MDGA2: variants seen among roughly 807,000 people sequenced by gnomAD.
MDGA2 encodes MAM domain-containing glycosylphosphatidylinositol anchor protein 2.
In MDGA2, 40 loss-of-function variants were observed where a neutral mutation model predicts 117.8. That is an observed-to-expected ratio of 0.34 (90% CI 0.26 to 0.44). The LOEUF (loss-of-function observed/expected upper bound fraction) is 0.44. Ranked by LOEUF, MDGA2 falls within the 20% of genes least tolerant of loss-of-function variation. The pLI is 1.00. For synonymous variants in MDGA2, 452 were observed against 439.0 expected, an observed-to-expected ratio of 1.03 and a Z score of -0.37; for missense variants, 1,123 against 1,250.6, an observed-to-expected ratio of 0.90 and a Z score of 1.54.
chr14:47,525,794 T>C (rs1261188782), intron 1 of MDGA2, among the ~76,000 whole-genome samples: 4 of 152,112 alleles, frequency 2.6e-5, no homozygotes, highest in Admixed American at 2.0e-4. Flanking sequence ...ATGTGTTTTT[T>C]TTCCATTATA....
intron 1 of MDGA2, among the ~76,000 whole-genome samples, chr14:47,601,761 A>C (rs1344137307): frequency 6.6e-6 from 1 of 152,162 alleles, no homozygotes; most frequent in Non-Finnish European, 1.5e-5. Flanking sequence ...TGTTTTAGCT[A>C]CATCAGTGAA....
intron 2 of MDGA2, among the ~76,000 whole-genome samples, chr14:47,258,695 T>C (rs1887700550): frequency 1.3e-5 from 2 of 150,058 alleles, no homozygotes; most frequent in African/African-American, 4.9e-5. Flanking sequence ...GAAAAGTATT[T>C]ATTGGAAATG....
chr14:47,256,828 AGAAG>A (rs901952926), intron 2 of MDGA2, among the ~76,000 whole-genome samples: 4 of 151,808 alleles, frequency 2.6e-5, no homozygotes, highest in Non-Finnish European at 5.9e-5. Context: ...AAGAAAGGAA[AGAAG>A]GAAGGAAGGA....
rs190405003 is a variant in MDGA2 at position 47,668,717 on chromosome 14, T to C, written c.280+5800A>G. Among the ~76,000 whole-genome samples, 46 of 152,360 alleles carry C rather than the reference T, an allele frequency of 3.0e-4. No individual in the cohort carries two copies. The East Asian group carries it at 6.9e-3, about 23-fold the overall frequency. On this transcript the variant is annotated intron_variant, in intron 1 of 16. Coordinates refer to ENST00000399232, the MANE Select transcript of MDGA2 (RefSeq NM_001113498.3). Reference sequence around the variant, plus strand: ...CTAAAAATGTTCACTCTTTTCATACTTTAAATATATGCAATATACTTTGCA... The same window carrying C: ...CTAAAAATGTTCACTCTTTTCATACCTTAAATATATGCAATATACTTTGCA...
intron 1 of MDGA2, among the ~76,000 whole-genome samples, chr14:47,561,681 G>C (rs941053326): frequency 1.3e-5 from 2 of 152,124 alleles, no homozygotes; most frequent in South Asian, 2.1e-4. Context: ...AACAGGAATA[G>C]TTTGACTTCC....
At chr14:46,899,285 G>A (rs1221070825) in intron 10 of MDGA2, among the ~76,000 whole-genome samples, 1 of 151,976 alleles carries the variant, frequency 6.6e-6, no homozygotes, top group Non-Finnish European at 1.5e-5. Flanking sequence ...ATGATTACAT[G>A]TGAAGGAGTC....
chr14:47,614,245 A>C (rs572480191), intron 1 of MDGA2, among the ~76,000 whole-genome samples: 1 of 151,252 alleles, frequency 6.6e-6, no homozygotes, highest in South Asian at 2.1e-4. Context: ...ACCTGCCATC[A>C]TGTTGCGCTA....
At chr14:46,916,310 G>C (rs1055014011) in intron 10 of MDGA2, among the ~76,000 whole-genome samples, 6 of 152,014 alleles carry the variant, frequency 3.9e-5, no homozygotes, top group African/African-American at 1.4e-4. Context: ...CATGAGAAAC[G>C]TACAGAGACC....
rs547489782 is a variant in MDGA2 at position 47,105,387 on chromosome 14, C to T, written c.926-8264G>A. Among the ~76,000 whole-genome samples the T allele has an allele frequency of 6.6e-4, 100 of 151,962 alleles. 2 individuals carry two copies. The highest frequency in any genetic ancestry group is 2.3e-3 in the African/African-American group (94 of 41,470). On this transcript the variant is annotated intron_variant, in intron 5 of 16. Transcript: ENST00000399232. Reference sequence around the variant, plus strand: ...GGGCAAGAACCCCCCACCCCTTCTCCGTGTCTCTACTCTTTTCTCTGGGCT... The same window carrying T: ...GGGCAAGAACCCCCCACCCCTTCTCTGTGTCTCTACTCTTTTCTCTGGGCT...
intron 7 of MDGA2, among the ~76,000 whole-genome samples, chr14:47,049,136 AC>A (rs1889364827): frequency 1.3e-5 from 2 of 152,086 alleles, no homozygotes; most frequent in Non-Finnish European, 2.9e-5. Context: ...AAAGTGGACT[AC>A]TTACGTTTCA....
chr14:47,605,367 TTA>T (rs2138889188), intron 1 of MDGA2, among the ~76,000 whole-genome samples: 1 of 152,338 alleles, frequency 6.6e-6, no homozygotes, highest in South Asian at 2.1e-4. Flanking sequence ...CACACACTTT[TTA>T]TTATAGCTAC....
Position 47,397,150 on chromosome 14 carries a change from C to CA in MDGA2, c.281-95601dup, listed in dbSNP as rs201919371. 6.7e-4 allele frequency among the ~76,000 whole-genome samples: 101 copies of CA among 151,148 alleles called. 1 individual carries two copies. The highest frequency in any genetic ancestry group is 1.3e-3 in the African/African-American group (55 of 41,200). ...TATTCACCATGGAATACTATGCAGC[C>CA]AAAAAAAAGGATGAGTTTATGTCCT... On this transcript the variant is annotated intron_variant, in intron 1 of 16. Coordinates refer to ENST00000399232, the MANE Select transcript of MDGA2 (RefSeq NM_001113498.3).
intron 1 of MDGA2, among the ~76,000 whole-genome samples, chr14:47,469,888 C>A (rs1209651079): frequency 6.6e-6 from 1 of 152,102 alleles, no homozygotes; most frequent in African/African-American, 2.4e-5. Flanking sequence ...GAAGGGCAGC[C>A]TGAAAGCTAA....
chr14:47,539,460 G>T (rs1472464923), intron 1 of MDGA2, among the ~76,000 whole-genome samples: 2 of 152,100 alleles, frequency 1.3e-5, no homozygotes, highest in Non-Finnish European at 2.9e-5. Context: ...GATAATGAAG[G>T]GTGGCTATGG....
At chr14:47,441,498 A>G (rs2138548591) in intron 1 of MDGA2, among the ~76,000 whole-genome samples, 1 of 152,340 alleles carries the variant, frequency 6.6e-6, no homozygotes, top group Non-Finnish European at 1.5e-5. Context: ...TCTGAAGGAC[A>G]TAGTAGGAAA....
chr14:47,599,475 A>G (rs1317153183), intron 1 of MDGA2, among the ~76,000 whole-genome samples: 2 of 152,210 alleles, frequency 1.3e-5, no homozygotes, highest in Non-Finnish European at 2.9e-5. Context: ...AGTAGTAGAA[A>G]GTAGCACTTG....
chr14:47,256,073 C>CT (rs1887607671), intron 2 of MDGA2, among the ~76,000 whole-genome samples: 1 of 150,220 alleles, frequency 6.7e-6, no homozygotes. Context: ...TTTAATGGGC[C>CT]TTTTTTGGTT....
chr14:47,584,029 T>C (rs1338477355), intron 1 of MDGA2, among the ~76,000 whole-genome samples: 1 of 151,802 alleles, frequency 6.6e-6, no homozygotes. Context: ...TGGTAAAAAG[T>C]AAGCACCTAG....
At chr14:47,396,706 T>C (rs1420494408) in intron 1 of MDGA2, among the ~76,000 whole-genome samples, 1 of 152,166 alleles carries the variant, frequency 6.6e-6, no homozygotes, top group East Asian at 1.9e-4. Flanking sequence ...AAAGAAGACA[T>C]TTATGTGGCC....
Sources: gnomAD v4.1 joint callset for allele counts (sites outside exome capture counted in the v4.1 genomes callset) on GRCh38, gnomAD v4.1.1 for gene constraint, MANE v1.5 for transcripts, NCBI Gene and HGNC (gene_info 2026-07-23, HGNC 2026-07-21) for gene names.